Variants in PTPRT observed in about 807,000 individuals in gnomAD.
PTPRT encodes receptor-type tyrosine-protein phosphatase T.
A neutral mutation model predicts 176.8 loss-of-function variants in PTPRT; 56 were observed. The ratio of observed to expected loss-of-function variants is 0.32; its 90% CI spans 0.26 to 0.40. PTPRT has a LOEUF of 0.40. PTPRT is among the 10% of genes least tolerant of loss of function. The pLI is 1.00. For missense variants in PTPRT, 1,540 were observed against 1,908.2 expected (o/e 0.81, Z 3.60); for synonymous variants, 783 against 739.0 (o/e 1.06, Z -0.96).
At chr20:42,735,373 G>A (rs1358606614) in intron 6 of PTPRT, among the ~76,000 whole-genome samples, 4 of 152,148 alleles carry the variant, frequency 2.6e-5, no homozygotes, top group Middle Eastern at 3.4e-3. Context: ...GGCATCCCAC[G>A]GAAAACTGAG....
intron 1 of PTPRT, chr20:42,969,652 A>C (rs2146059465): frequency 1.3e-5 from 2 of 152,284 alleles, no homozygotes; most frequent in South Asian, 4.1e-4. Context: ...GAAAACCAAA[A>C]CATTTTTTCG....
rs773146120 is a variant in PTPRT at position 42,116,091 on chromosome 20, G to A, written c.2983-776C>T. On this transcript the variant is annotated intron_variant, in intron 21 of 30. Coordinates refer to ENST00000373187, the MANE Select transcript of PTPRT (RefSeq NM_007050.6). ...AGTGGCATTTCCCACAGTGTGTTCC[G>A]CTGGGTGCTAATAGGTGTTAGGTAA... The A allele has an allele frequency of 2.5e-5, 18 of 723,278 alleles. No homozygotes were observed. The East Asian group carries it at 3.4e-4, about 14-fold the overall frequency. 44.8% of individuals were successfully genotyped at this position (723,278 alleles called of 1,614,324 possible).
intron 7 of PTPRT, among the ~76,000 whole-genome samples, chr20:42,566,873 G>A (rs906494649): frequency 6.6e-6 from 1 of 152,186 alleles, no homozygotes; most frequent in African/African-American, 2.4e-5. Context: ...AATGTAAGTT[G>A]TTACTATTTG....
chr20:42,099,565 G>GGGGGGGGT (rs1985714245), intron 26 of PTPRT, among the ~76,000 whole-genome samples: 1 of 49,830 alleles, frequency 2.0e-5, no homozygotes, highest in Admixed American at 2.3e-4. Flanking sequence ...GGGGGGTGGG[G>GGGGGGGGT]TGGTCTGGCA....
chr20:42,092,507 C>T (rs923504081), intron 27 of PTPRT, among the ~76,000 whole-genome samples: 4 of 152,170 alleles, frequency 2.6e-5, no homozygotes, highest in African/African-American at 9.7e-5. Context: ...CTCAGGGCAA[C>T]ACAGTGAGTA....
chr20:42,305,470 T>C (rs915389964), intron 12 of PTPRT, among the ~76,000 whole-genome samples: 3 of 151,206 alleles, frequency 2.0e-5, no homozygotes, highest in African/African-American at 7.4e-5. Context: ...TATGCACATA[T>C]GCTGAATTCT....
At chr20:42,762,216 G>A (rs976306798) in intron 5 of PTPRT, among the ~76,000 whole-genome samples, 2 of 152,078 alleles carry the variant, frequency 1.3e-5, no homozygotes, top group South Asian at 4.2e-4. Context: ...CTATTAGGTT[G>A]GGGTGAGGTT....
intron 9 of PTPRT, among the ~76,000 whole-genome samples, chr20:42,440,379 A>G (rs2059301719): frequency 6.6e-6 from 1 of 152,180 alleles, no homozygotes; most frequent in Admixed American, 6.5e-5. Context: ...CATTTATCCA[A>G]AGAATATTTA....
At chr20:43,105,425 G>T (rs1166245500) in intron 1 of PTPRT, among the ~76,000 whole-genome samples, 6 of 150,746 alleles carry the variant, frequency 4.0e-5, no homozygotes, top group Non-Finnish European at 5.9e-5. Flanking sequence ...TTCTGAGACA[G>T]AGTCTCACTC....
chr20:42,131,844 T>C (rs528594080), intron 18 of PTPRT, among the ~76,000 whole-genome samples: 35 of 152,298 alleles, frequency 2.3e-4, no homozygotes, highest in African/African-American at 8.2e-4. Context: ...GAGTAAGGTT[T>C]GGCCAGTGCA....
chr20:42,270,848 TAG>T (rs2056922605), intron 13 of PTPRT, among the ~76,000 whole-genome samples: 1 of 152,180 alleles, frequency 6.6e-6, no homozygotes, highest in South Asian at 2.1e-4. Flanking sequence ...CTTCTCAGTC[TAG>T]ACACATGGGA....
At chr20:42,276,004 G>A (rs968595722) in intron 13 of PTPRT, among the ~76,000 whole-genome samples, 15 of 152,134 alleles carry the variant, frequency 9.9e-5, no homozygotes, top group Non-Finnish European at 2.1e-4. Context: ...ACAATCAAGA[G>A]CTTTCCAATA....
chr20:42,671,728 C>T (rs756997949), intron 7 of PTPRT, among the ~76,000 whole-genome samples: 2 of 152,140 alleles, frequency 1.3e-5, no homozygotes, highest in Non-Finnish European at 2.9e-5. Context: ...TATACATGAT[C>T]GCATTTGCTC....
chr20:43,128,674 G>T (rs547533585), intron 1 of PTPRT, among the ~76,000 whole-genome samples: 2 of 152,210 alleles, frequency 1.3e-5, no homozygotes, highest in East Asian at 3.8e-4. Flanking sequence ...GCTCCTGGCC[G>T]AATGGACTTG....
At chr20:42,360,855 G>C (rs1222731237) in intron 9 of PTPRT, among the ~76,000 whole-genome samples, 1 of 152,188 alleles carries the variant, frequency 6.6e-6, no homozygotes, top group African/African-American at 2.4e-5. Flanking sequence ...CCTTCATTAA[G>C]GGCAAAGCCT....
intron 3 of PTPRT, among the ~76,000 whole-genome samples, chr20:42,780,933 G>C (rs1242382734): frequency 6.6e-6 from 1 of 152,094 alleles, no homozygotes; most frequent in Non-Finnish European, 1.5e-5. Flanking sequence ...AAGGAGATAT[G>C]AATGTCTGTG....
rs2013567296 is a variant in PTPRT at position 43,129,429 on chromosome 20, C to T, written c.88+60217G>A. On this transcript the variant is annotated intron_variant, in intron 1 of 30. Coordinates refer to ENST00000373187, the MANE Select transcript of PTPRT (RefSeq NM_007050.6). ...ACTTTTTTCCAGTTTGTGCACATCG[C>T]GTGGCTAGTGAGCTCTGCCTGCCAC... 2.0e-5 allele frequency among the ~76,000 whole-genome samples: 3 copies of T among 152,086 alleles called. No individual in the cohort carries two copies. The South Asian group carries it at 6.2e-4, about 32-fold the overall frequency.
rs182691760 is a variant in PTPRT at position 42,844,506 on chromosome 20, G to A, written c.214+41301C>T. On this transcript the variant is annotated intron_variant, in intron 2 of 30. Transcript: ENST00000373187. ...GGACCAGGATTTCAGAAATGACAAT[G>A]GATTTTTTTTTCTTCATGGTCCAGA... Among the ~76,000 whole-genome samples the A allele has an allele frequency of 6.4e-4, 97 of 152,222 alleles. 1 individual carries two copies. Among genetic ancestry groups the A allele is most frequent in the African/African-American group, 2.3e-3 (94 of 41,552 alleles).
intron 1 of PTPRT, among the ~76,000 whole-genome samples, chr20:43,008,813 G>C (rs1413503327): frequency 6.6e-6 from 1 of 152,130 alleles, no homozygotes; most frequent in Non-Finnish European, 1.5e-5. Context: ...TGAGCCCAGA[G>C]AGCCACAAAG....
Sources: gnomAD v4.1 joint callset for allele counts (sites outside exome capture counted in the v4.1 genomes callset) on GRCh38, gnomAD v4.1.1 for gene constraint, MANE v1.5 for transcripts, NCBI Gene and HGNC (gene_info 2026-07-23, HGNC 2026-07-21) for gene names.